Variants in NEBL observed in about 807,000 individuals in gnomAD.
NEBL encodes nebulette, also known as LIM and SH3 protein 2.
A neutral mutation model predicts 140.2 loss-of-function variants in NEBL; 122 were observed. The observed-to-expected ratio is 0.87, with a 90% CI of 0.75 to 1.01. The LOEUF (loss-of-function observed/expected upper bound fraction) is 1.01. Among genes scored for constraint, NEBL ranks in the 50% least tolerant of loss-of-function variants. The pLI, the probability that NEBL is intolerant of heterozygous loss-of-function variation, is 0.00. For synonymous variants in NEBL, 436 were observed against 398.9 expected (o/e 1.09, Z -1.11); for missense variants, 1,365 against 1,231.3 (o/e 1.11, Z -1.62).
At chr10:21,247,979 C>G (rs1181313944) in exon 3 of NEBL, 2 of 230,340 alleles carry the variant, frequency 8.7e-6, no homozygotes, top group African/African-American at 2.3e-5. Context: ...ACCCAAGATT[C>G]AGAAGCAACT....
chr10:20,985,117 A>G (rs1837205674), intron 3 of NEBL, among the ~76,000 whole-genome samples: 2 of 152,214 alleles, frequency 1.3e-5, no homozygotes, highest in East Asian at 1.9e-4. Context: ...ACAATGTAAT[A>G]ATAGACATAA....
intron 4 of NEBL, among the ~76,000 whole-genome samples, chr10:20,924,421 A>T (rs1026139839): frequency 8.1e-5 from 12 of 148,966 alleles, no homozygotes; most frequent in African/African-American, 2.8e-4. Context: ...AGTAAAAAAA[A>T]AAAAAAAAAA....
chr10:20,918,316 C>T (rs1387788950), intron 4 of NEBL, among the ~76,000 whole-genome samples: 1 of 151,996 alleles, frequency 6.6e-6, no homozygotes, highest in Non-Finnish European at 1.5e-5. Context: ...TGAGATTGAG[C>T]CACTGCACTC....
intron 3 of NEBL, among the ~76,000 whole-genome samples, chr10:21,226,090 T>C (rs1326724397): frequency 6.6e-6 from 1 of 152,000 alleles, no homozygotes; most frequent in Non-Finnish European, 1.5e-5. Flanking sequence ...AAGGGCTCTT[T>C]AGTCAGCAGT....
Position 20,889,847 on chromosome 10 carries a change from C to T in NEBL, c.256G>A (p.Glu86Lys), listed in dbSNP as rs1846868116. The T allele has an allele frequency of 6.3e-7, 1 of 1,599,476 alleles. No homozygotes were observed. The highest frequency in any genetic ancestry group is 2.2e-5 in the East Asian group (1 of 44,742). Residue 86 changes from glutamate (E) to lysine (K), a missense_variant and splice_region_variant, in exon 3 of 28, where the codon GAG becomes AAG. Physicochemically the swap from Glu to Lys is moderately conservative, Grantham distance 56. Transcript: ENST00000377122. ...TTTGCAAGCTTTTGATACCTTACCT[C>T]AGAAATAAAAGCACCGATATTTTTT... Reference protein sequence around the residue: ...HVKNIGAFISEAKYKGTIKAD... With the variant: ...HVKNIGAFISKAKYKGTIKAD...
intron 2 of NEBL, among the ~76,000 whole-genome samples, chr10:21,119,056 A>T (rs1838404920): frequency 6.6e-6 from 1 of 152,218 alleles, no homozygotes; most frequent in Admixed American, 6.5e-5. Flanking sequence ...AAGATGCCCA[A>T]CAGCAATCCT....
At chr10:21,040,950 C>A (rs1192773385) in intron 2 of NEBL, among the ~76,000 whole-genome samples, 1 of 152,188 alleles carries the variant, frequency 6.6e-6, no homozygotes, top group Non-Finnish European at 1.5e-5. Flanking sequence ...CCTCCCCAGC[C>A]ATGCTTCCTG....
chr10:21,264,022 G>A (rs1842770448), intron 1 of NEBL, among the ~76,000 whole-genome samples: 1 of 152,172 alleles, frequency 6.6e-6, no homozygotes, highest in African/African-American at 2.4e-5. Context: ...AGGAGTAGGA[G>A]GGAGGGTGGT....
intron 2 of NEBL, among the ~76,000 whole-genome samples, chr10:21,067,020 T>C (rs190178774): frequency 1.5e-3 from 192 of 130,456 alleles, no homozygotes; most frequent in African/African-American, 4.2e-3. Flanking sequence ...TTGCCCAGGC[T>C]GTAGTGCAGT....
rs554866614 is a variant in NEBL at position 21,166,286 on chromosome 10, A to G, written c.164+6097T>C. 2.6e-5 allele frequency among the ~76,000 whole-genome samples: 4 copies of G among 151,720 alleles called. No homozygotes were observed. The South Asian group carries it at 6.3e-4, about 24-fold the overall frequency. ...TTTTCTACATCATGATCCAGTACAC[A>G]TATGTACCCGTATCACTGAAAAAAA... On this transcript the variant is annotated intron_variant, in intron 2 of 6. Transcript: ENST00000417816.
rs35138107 is a variant in NEBL at position 20,870,325 on chromosome 10, C to CAAA, written c.481-487_481-485dup. ...TGGGCAAAAGAGTGGGACTTTATCTCAAAAAAAAAAAAAAAAAAAACTTGA... is the reference window on the plus strand; with the variant it reads ...TGGGCAAAAGAGTGGGACTTTATCTCAAAAAAAAAAAAAAAAAAAAAAACTTGA... On this transcript the variant is annotated intron_variant, in intron 5 of 27. Coordinates refer to ENST00000377122, the MANE Select transcript of NEBL (RefSeq NM_006393.3). Among the ~76,000 whole-genome samples the CAAA allele has an allele frequency of 8.2e-3, 886 of 107,732 alleles. 10 individuals are homozygous for CAAA. Among genetic ancestry groups the CAAA allele is most frequent in the Non-Finnish European group, 8.7e-3 (484 of 55,484 alleles). The allele number at this position is 107,732 out of a possible 152,430, so 70.7% of individuals were successfully genotyped here. A position where few individuals can be genotyped will look rare whatever the true frequency, so the allele number is the denominator to read the frequency against.
chr10:20,929,975 T>C (rs1834105420), intron 4 of NEBL, among the ~76,000 whole-genome samples: 1 of 152,130 alleles, frequency 6.6e-6, no homozygotes, highest in Admixed American at 6.6e-5. Flanking sequence ...CTGGGCCACT[T>C]CTCATTTCTA....
chr10:21,017,161 T>C (rs1337083698), intron 3 of NEBL, among the ~76,000 whole-genome samples: 1 of 152,128 alleles, frequency 6.6e-6, no homozygotes, highest in African/African-American at 2.4e-5. Context: ...TCTCTAAAGG[T>C]TGAATGTGTT....
intron 2 of NEBL, among the ~76,000 whole-genome samples, chr10:21,027,301 T>TA (rs35067415): frequency 8.1e-5 from 12 of 147,280 alleles, no homozygotes; most frequent in Admixed American, 2.0e-4. Flanking sequence ...GTATTATCTT[T>TA]AAAAAAAAAA....
chr10:20,899,069 T>C (rs148285275), upstream of NEBL, among the ~76,000 whole-genome samples: 106 of 152,260 alleles, frequency 7.0e-4, no homozygotes, highest in Middle Eastern at 3.4e-3. Context: ...GCTGGCCCAG[T>C]GTAGTGGATT....
chr10:20,828,759 C>A, intron 16 of NEBL, 125 bp from the exon 17 acceptor site: 1 of 673,628 alleles, frequency 1.5e-6, no homozygotes, highest in Non-Finnish European at 2.7e-6. Context: ...TACTGACTTA[C>A]ACTCCCAGAG....
At chr10:20,875,718 T>TAGCC (rs575325601) in intron 5 of NEBL, among the ~76,000 whole-genome samples, 2,181 of 151,844 alleles carry the variant, frequency 0.014, 23 homozygotes, top group Non-Finnish European at 0.014. Flanking sequence ...GCAGGAGTGA[T>TAGCC]AGCCAGCCAG....
intron 4 of NEBL, among the ~76,000 whole-genome samples, chr10:20,910,703 A>G (rs1848291557): frequency 6.6e-6 from 1 of 152,218 alleles, no homozygotes; most frequent in South Asian, 2.1e-4. Flanking sequence ...CTAAGATTGT[A>G]TGATTACCAA....
At chr10:20,788,048 C>G (rs1019808797) in intron 26 of NEBL, among the ~76,000 whole-genome samples, 2 of 152,128 alleles carry the variant, frequency 1.3e-5, no homozygotes, top group Non-Finnish European at 2.9e-5. Flanking sequence ...CTCCAAACCA[C>G]TAATTATGAC....
Sources: gnomAD v4.1 joint callset for allele counts (sites outside exome capture counted in the v4.1 genomes callset) on GRCh38, gnomAD v4.1.1 for gene constraint, MANE v1.5 for transcripts, NCBI Gene and HGNC (gene_info 2026-07-23, HGNC 2026-07-21) for gene names.